The following GLOD4 variants were observed in gnomAD, a reference collection of about 807,000 sequenced individuals.
The protein encoded by GLOD4 is glyoxalase domain containing 4.
GLOD4 carries 44 observed loss-of-function variants against 39.1 expected under a neutral mutation model. The observed-to-expected ratio is 1.13, with a 90% confidence interval of 0.88 to 1.45. The LOEUF is 1.45. Among genes scored for constraint, GLOD4 ranks in the 40% most tolerant of loss-of-function variants. GLOD4 has a pLI of 0.00. For missense variants in GLOD4, 405 were observed against 366.4 expected (o/e 1.11, Z -0.86); for synonymous variants, 145 against 135.0 (o/e 1.07, Z -0.52).
chr17:769,428 G>C (rs1907506550), intron 8 of GLOD4, among the ~76,000 whole-genome samples: 1 of 150,914 alleles, frequency 6.6e-6, no homozygotes, highest in South Asian at 2.1e-4. Context: ...CCTGGCGAGA[G>C]CTGAGGGGAA....
chr17:775,726 A>C (rs1461601083), intron 4 of GLOD4, 49 bp downstream of exon 4: 1 of 1,524,776 alleles, frequency 6.6e-7, no homozygotes, highest in East Asian at 2.3e-5. Flanking sequence ...CTCTCCTTTC[A>C]CCAAAGATGC....
intron 8 of GLOD4, among the ~76,000 whole-genome samples, chr17:765,856 T>A (rs990847521): frequency 1.3e-5 from 2 of 151,410 alleles, no homozygotes; most frequent in Non-Finnish European, 2.9e-5. Context: ...CTCAGGAGGC[T>A]GAGGCAAGAG....
chr17:773,074 A>C (rs1057507043), intron 4 of GLOD4, among the ~76,000 whole-genome samples: 1 of 152,210 alleles, frequency 6.6e-6, no homozygotes, highest in Admixed American at 6.5e-5. Flanking sequence ...TTGTTAACTA[A>C]TGTGCAAATA....
At position 760,117 on chromosome 17, in the gene GLOD4, G is replaced by T; in HGVS notation, c.*56C>A. On this transcript the variant is annotated 3_prime_UTR_variant, in exon 9 of 9. Coordinates refer to ENST00000301329, the MANE Select transcript of GLOD4 (RefSeq NM_016080.4). Reference sequence around the variant, plus strand: ...GCATTTATTGGGAACTGACACGTCAGGCCTCACAGGTGCTGGGCAGGAATC... The same window carrying T: ...GCATTTATTGGGAACTGACACGTCATGCCTCACAGGTGCTGGGCAGGAATC... 1 of 960,818 alleles carries T rather than the reference G, an allele frequency of 1.0e-6. No individual in the cohort carries two copies. The highest frequency in any genetic ancestry group is 1.7e-6 in the Non-Finnish European group (1 of 584,456). The allele number at this position is 960,818 out of a possible 1,614,324, so 59.5% of individuals were successfully genotyped here.
chr17:771,441 G>C lies in GLOD4; in HGVS notation c.427C>G (p.Leu143Val). The C allele has an allele frequency of 2.5e-6, 4 of 1,569,622 alleles. No homozygotes were observed. The highest frequency in any genetic ancestry group is 3.5e-6 in the Non-Finnish European group (4 of 1,146,964). ...PQSDPVLKVT[L>V]AVSDLQKSLN... ...GACTTTTGAAGATCAGACACTGCTA[G>C]AGTTACTTTTAATACAGGATCTGTT... is the stretch of plus-strand genomic sequence containing the variant. The change falls in exon 5 of 9, where the codon CTA becomes GTA. Residue 143 changes from leucine (L) to valine (V), a missense_variant. Coordinates refer to ENST00000301329, the MANE Select transcript of GLOD4 (RefSeq NM_016080.4).
chr17:783,001 T>C, upstream of GLOD4: 1 of 1,521,740 alleles, frequency 6.6e-7, no homozygotes, highest in South Asian at 1.3e-5. Context: ...TCCGTAGCTC[T>C]TTATTTCTGT....
At position 768,651 on chromosome 17, in the gene GLOD4, A is replaced by G. The variant is rs488721; in HGVS notation, c.831+1218T>C. ...CGCACTCAGATTTTTAGAAGAAGAA[A>G]TCTGGAGAGGACGTGAGAGGGAGAA... On this transcript the variant is annotated intron_variant, in intron 8 of 8. Transcript: ENST00000301329. Among the ~76,000 whole-genome samples, 335 of 106,990 alleles carry G rather than the reference A, an allele frequency of 3.1e-3. 3 individuals carry two copies. The highest frequency in any genetic ancestry group is 0.012 in the East Asian group (26 of 2,190). 70.2% of individuals were successfully genotyped at this position (106,990 alleles called of 152,430 possible). A position where few individuals can be genotyped will look rare whatever the true frequency, so the allele number is the denominator to read the frequency against.
At chr17:765,346 G>A (rs1906329201) in intron 8 of GLOD4, 1 of 150,896 alleles carries the variant, frequency 6.6e-6, no homozygotes, top group Non-Finnish European at 1.5e-5. Flanking sequence ...TGGAAGTGAG[G>A]AGGCTGGAGC....
chr17:773,033 A>G (rs1908265603), intron 4 of GLOD4, among the ~76,000 whole-genome samples: 1 of 152,134 alleles, frequency 6.6e-6, no homozygotes, highest in Non-Finnish European at 1.5e-5. Context: ...GCCCCCAAAC[A>G]ACAAAGAAAT....
chr17:769,669 A>G (rs1347097609), intron 8 of GLOD4, among the ~76,000 whole-genome samples, 200 bp downstream of exon 8: 1 of 152,158 alleles, frequency 6.6e-6, no homozygotes, highest in Non-Finnish European at 1.5e-5. Context: ...GGTTGTGGTA[A>G]GGCACAAATG....
chr17:766,871 C>T (rs1204569025), intron 8 of GLOD4, among the ~76,000 whole-genome samples: 1 of 152,154 alleles, frequency 6.6e-6, no homozygotes, highest in African/African-American at 2.4e-5. Flanking sequence ...TGCACTCCAC[C>T]CTGGGCGACA....
chr17:767,700 T>A (rs535137363), intron 8 of GLOD4, among the ~76,000 whole-genome samples: 1 of 146,754 alleles, frequency 6.8e-6, no homozygotes, highest in African/African-American at 2.5e-5. Flanking sequence ...TTCAGATTTT[T>A]AGAAGAAGAA....
At position 777,074 on chromosome 17, in the gene GLOD4, G is replaced by A. The variant is rs550745611; in HGVS notation, c.141-86C>T. 2.0e-5 allele frequency: 25 copies of A among 1,261,768 alleles called. No homozygotes were observed. In the African/African-American group the frequency reaches 2.1e-4, roughly 10 times the overall value. 78.2% of individuals were successfully genotyped at this position (1,261,768 alleles called of 1,614,324 possible). ...AGAGAACTACTGGGCACAGAGAGAT[G>A]AGCATTCCTGTCTGGTCCTAAAAGT... On this transcript the variant is annotated intron_variant, in intron 2 of 8. Coordinates refer to ENST00000301329, the MANE Select transcript of GLOD4 (RefSeq NM_016080.4).
chr17:770,725 T>C (rs1359123598), intron 5 of GLOD4: 12 of 423,352 alleles, frequency 2.8e-5, no homozygotes, highest in Non-Finnish European at 5.1e-5. Context: ...GGTGGTATAA[T>C]TTACAAATTA....
chr17:765,643 A>C (rs979831508), intron 8 of GLOD4, among the ~76,000 whole-genome samples: 22 of 149,432 alleles, frequency 1.5e-4, no homozygotes, highest in Admixed American at 1.3e-3. Context: ...ACAGGGTTTC[A>C]CCGTGTTAGC....
intron 2 of GLOD4, chr17:778,436 T>C: frequency 1.7e-6 from 1 of 577,204 alleles, no homozygotes; most frequent in Non-Finnish European, 3.1e-6. Context: ...ACAGGTGTTG[T>C]ATGAGAGTGC....
chr17:775,106 TAA>T (rs60310367), intron 4 of GLOD4, among the ~76,000 whole-genome samples: 17 of 87,262 alleles, frequency 1.9e-4, no homozygotes, highest in Admixed American at 2.6e-4. Context: ...ATAAAAATAC[TAA>T]AAAAAAAAAA....
chr17:782,198 C>T lies in GLOD4; in HGVS notation c.58G>A (p.Ala20Thr), dbSNP rs369254414. 1.3e-4 allele frequency: 215 copies of T among 1,612,480 alleles called. No individual in the cohort carries two copies. Among genetic ancestry groups the T allele is most frequent in the Non-Finnish European group, 1.8e-4 (207 of 1,179,192 alleles). ...VFKVGNRFQT[A>T]RFYRDVLGMK... is the part of the protein sequence containing the mutation. ...CCCAGGACGTCCCGATAGAAACGCG[C>T]CGTCTGGAAGCGGTTTCCCACTTTG... Residue 20 changes from alanine to threonine, a missense_variant, in exon 1 of 9, where the codon GCG becomes ACG. Transcript: ENST00000301329.
At chr17:779,319 TAAAAAA>T (rs34487169) in intron 1 of GLOD4, among the ~76,000 whole-genome samples, 5 of 43,356 alleles carry the variant, frequency 1.2e-4, no homozygotes, top group South Asian at 1.9e-3. Flanking sequence ...CATCTCAAAT[TAAAAAA>T]AAAAAAAAAA....
Sources: allele counts gnomAD v4.1 joint callset (sites outside exome capture counted in the v4.1 genomes callset), GRCh38; gene constraint gnomAD v4.1.1; transcripts MANE v1.5; gene names NCBI Gene and HGNC (gene_info 2026-07-23, HGNC 2026-07-21).